The following ALK variants were observed in gnomAD, a reference collection of about 807,000 sequenced individuals.
ALK encodes ALK receptor tyrosine kinase.
A neutral mutation model predicts 163.1 loss-of-function variants in ALK; 74 were observed. The observed-to-expected ratio is 0.45, with a 90% confidence interval of 0.38 to 0.55. ALK has a LOEUF of 0.55. Among genes scored for constraint, ALK ranks in the 20% least tolerant of loss-of-function variants. The probability of loss-of-function intolerance (pLI) is 0.00; values close to 1 mark genes in which losing one functional copy is unlikely to be tolerated. For missense variants in ALK, 2,063 were observed against 2,105.3 expected, an observed-to-expected ratio of 0.98 and a Z score of 0.39; for synonymous variants, 960 against 843.2, an observed-to-expected ratio of 1.14 and a Z score of -2.40.
intron 1 of ALK, among the ~76,000 whole-genome samples, chr2:29,848,951 C>G (rs74692591): frequency 0.017 from 2,526 of 152,280 alleles, 71 homozygotes; most frequent in African/African-American, 0.057. Flanking sequence ...CCACAATGTA[C>G]TCCTAGGGTT....
chr2:29,370,231 A>G (rs1162469560), intron 5 of ALK, among the ~76,000 whole-genome samples: 1 of 152,146 alleles, frequency 6.6e-6, no homozygotes, highest in Non-Finnish European at 1.5e-5. Context: ...AGAGGCTTTG[A>G]GCTATTCACT....
chr2:29,386,807 T>C (rs749984468), intron 4 of ALK, among the ~76,000 whole-genome samples: 1 of 152,210 alleles, frequency 6.6e-6, no homozygotes, highest in Non-Finnish European at 1.5e-5. Flanking sequence ...TCCAGGGAAG[T>C]TGGGACTAGA....
chr2:29,737,980 C>T (rs72786228), intron 1 of ALK, among the ~76,000 whole-genome samples: 1,943 of 152,090 alleles, frequency 0.013, 22 homozygotes, highest in Non-Finnish European at 0.019. Flanking sequence ...AGCAAAAATG[C>T]AAGCCTGGTG....
intron 5 of ALK, among the ~76,000 whole-genome samples, chr2:29,346,617 C>T (rs1251813994): frequency 6.6e-6 from 1 of 152,240 alleles, no homozygotes; most frequent in Non-Finnish European, 1.5e-5. Context: ...CATCTGATTT[C>T]CATTGACAGT....
rs745322358 is a variant in ALK, at chr2:29,328,372, T to C, written c.1392A>G (p.Gly464=). The part of the protein sequence containing the change: ...ACDFHQDCAQ[G]EDESQMCRKL... The stretch of plus-strand genomic sequence containing the variant: ...CACGGCACATCTGGCTCTCATCTTC[T>C]CCCTGGGCACAGTCCTGGTGGAAGT... Residue 464 remains glycine (G), a synonymous_variant, in exon 6 of 29, where the codon GGA becomes GGG. Transcript: ENST00000389048. 3 of 1,614,018 alleles carry C rather than the reference T, an allele frequency of 1.9e-6. No homozygotes were observed. Among genetic ancestry groups the C allele is most frequent in the East Asian group, 2.2e-5 (1 of 44,878 alleles).
intron 1 of ALK, among the ~76,000 whole-genome samples, chr2:29,809,377 T>C (rs1190322754): frequency 6.6e-6 from 1 of 152,224 alleles, no homozygotes; most frequent in Non-Finnish European, 1.5e-5. Flanking sequence ...TTTCTGAATG[T>C]CATCCTAATA....
In ALK at chr2:29,233,605, C is replaced by T. The variant is rs771130459; in HGVS notation, c.2447G>A (p.Gly816Glu). The change falls in exon 14 of 29, where the codon GGA becomes GAA. Residue 816 changes from glycine to glutamate, a missense_variant. Gly to Glu is a moderately conservative substitution (Grantham distance 98, BLOSUM62 -2). This residue lies in a region of ALK where 575 missense variants were observed against 626.6 expected (regional missense o/e 0.92). Coordinates refer to ENST00000389048, the MANE Select transcript of ALK (RefSeq NM_004304.5). ...GGCTCCACCCCCTCCTCCTCCGCCT[C>T]CTGCCCACTCATGCACGCTTCTGTT... Reference protein sequence around the residue: ...RVNRSVHEWAGGGGGGGGATY... With the variant: ...RVNRSVHEWAEGGGGGGGATY... 1 of 1,614,238 alleles carries T rather than the reference C, an allele frequency of 6.2e-7. No individual in the cohort carries two copies. Among genetic ancestry groups the T allele is most frequent in the Admixed American group, 1.7e-5 (1 of 60,022 alleles).
At chr2:29,250,961 C>G in intron 12 of ALK, 144 bp downstream of exon 12, 1 of 755,580 alleles carries the variant, frequency 1.3e-6, no homozygotes, top group Non-Finnish European at 2.1e-6. Context: ...CCATCTCCAA[C>G]CTTTATACCC....
chr2:29,909,836 C>T (rs760670353), intron 1 of ALK, among the ~76,000 whole-genome samples: 27 of 152,184 alleles, frequency 1.8e-4, no homozygotes, highest in Admixed American at 6.5e-4. Context: ...CTCTAAACTC[C>T]CTCAAACAAA....
At chr2:29,796,793 G>A (rs992277296) in intron 1 of ALK, among the ~76,000 whole-genome samples, 1 of 152,020 alleles carries the variant, frequency 6.6e-6, no homozygotes, top group African/African-American at 2.4e-5. Context: ...GTGGGGCACG[G>A]GGTATGACAA....
intron 15 of ALK, among the ~76,000 whole-genome samples, chr2:29,231,010 A>C (rs1664186594): frequency 6.6e-6 from 1 of 152,170 alleles, no homozygotes; most frequent in Non-Finnish European, 1.5e-5. Context: ...AAAATAACCC[A>C]TATCAAAATC....
intron 3 of ALK, among the ~76,000 whole-genome samples, chr2:29,675,941 G>A (rs762876816): frequency 8.6e-5 from 13 of 151,938 alleles, no homozygotes; most frequent in Non-Finnish European, 1.6e-4. Flanking sequence ...GACCAGACTG[G>A]TCTTGAACTT....
intron 1 of ALK, among the ~76,000 whole-genome samples, chr2:29,896,357 C>T (rs937274340): frequency 1.3e-5 from 2 of 152,100 alleles, no homozygotes; most frequent in African/African-American, 2.4e-5. Context: ...GGCTGAGTCA[C>T]GTTCATTCAT....
intron 4 of ALK, among the ~76,000 whole-genome samples, chr2:29,514,826 C>T (rs1302655333): frequency 1.3e-5 from 2 of 152,292 alleles, no homozygotes; most frequent in Non-Finnish European, 2.9e-5. Flanking sequence ...CTATGCCTCA[C>T]TCTGTATTCA....
intron 11 of ALK, among the ~76,000 whole-genome samples, chr2:29,258,617 A>G (rs1192180622): frequency 6.6e-6 from 1 of 152,224 alleles, no homozygotes; most frequent in African/African-American, 2.4e-5. Context: ...GTACATTATT[A>G]TGAATCCATG....
At chr2:29,679,193 T>C (rs1677985949) in intron 3 of ALK, among the ~76,000 whole-genome samples, 2 of 151,926 alleles carry the variant, frequency 1.3e-5, no homozygotes, top group Admixed American at 6.6e-5. Flanking sequence ...TTTTGGTTAA[T>C]TGTTTGTGTG....
chr2:29,626,358 G>A (rs551222195), intron 3 of ALK, among the ~76,000 whole-genome samples: 2 of 152,274 alleles, frequency 1.3e-5, no homozygotes, highest in Admixed American at 6.5e-5. Flanking sequence ...TAGTGAATAA[G>A]TCTCAAGAGA....
At chr2:29,265,933 C>T (rs1665210205) in intron 11 of ALK, among the ~76,000 whole-genome samples, 2 of 152,086 alleles carry the variant, frequency 1.3e-5, no homozygotes, top group Admixed American at 1.3e-4. Flanking sequence ...TGCAGTGAGC[C>T]AAGATCACGG....
At chr2:29,331,134 C>T (rs377051776) in intron 5 of ALK, among the ~76,000 whole-genome samples, 1 of 152,128 alleles carries the variant, frequency 6.6e-6, no homozygotes, top group African/African-American at 2.4e-5. Flanking sequence ...GTGACTAGAC[C>T]TTTGTGGTCC....
Sources: gnomAD v4.1 joint callset for allele counts (sites outside exome capture counted in the v4.1 genomes callset) on GRCh38, gnomAD v4.1.1 for gene constraint, gnomAD v4.1.1 regional missense constraint, MANE v1.5 for transcripts, NCBI Gene and HGNC (gene_info 2026-07-23, HGNC 2026-07-21) for gene names.